The following CTDSPL2 variants were observed in gnomAD, a reference collection of about 807,000 sequenced individuals.
CTDSPL2 encodes CTD small phosphatase-like protein 2.
Under a neutral mutation model 60.0 loss-of-function variants are expected in CTDSPL2, and 5 were observed. The observed-to-expected ratio is 0.08, with a 90% CI of 0.04 to 0.18. The LOEUF (loss-of-function observed/expected upper bound fraction) is 0.18, where lower values mean the gene tolerates loss of function less well. Among genes scored for constraint, CTDSPL2 ranks in the 10% least tolerant of loss-of-function variants. CTDSPL2 has a pLI of 1.00. For missense variants in CTDSPL2, 370 were observed against 548.8 expected (o/e 0.67, Z 3.26); for synonymous variants, 186 against 189.3 (o/e 0.98, Z 0.14).
At chr15:44,496,513 G>T in intron 6 of CTDSPL2, 55 bp downstream of exon 6, 6 of 1,308,376 alleles carry the variant, frequency 4.6e-6, no homozygotes, top group Non-Finnish European at 6.6e-6. Context: ...ATGAGAGTAC[G>T]TTATATATGT....
intron 8 of CTDSPL2, 129 bp from the exon 9 acceptor site, chr15:44,514,469 G>T: frequency 3.1e-6 from 2 of 642,794 alleles, no homozygotes; most frequent in Non-Finnish European, 5.6e-6. Flanking sequence ...GTGGTACTTA[G>T]TTAATATTTC....
In CTDSPL2 at chr15:44,515,119, G is replaced by A. The variant is rs188682256; in HGVS notation, c.1112+275G>A. Among the ~76,000 whole-genome samples, 6 of 152,110 alleles carry A rather than the reference G, an allele frequency of 3.9e-5. No individual in the cohort carries two copies. In the East Asian group the frequency reaches 1.2e-3, roughly 29 times the overall value. ...GATTGGGGAAGACGGGGGTTGGGGG[G>A]GTTGTGTGGAATTTTTCCACGTTGT... On this transcript the variant is annotated intron_variant, in intron 10 of 12. Transcript: ENST00000260327.
At chr15:44,457,069 G>T (rs1239370697) in intron 1 of CTDSPL2, among the ~76,000 whole-genome samples, 1 of 151,860 alleles carries the variant, frequency 6.6e-6, no homozygotes, top group African/African-American at 2.4e-5. Context: ...TAGAGATGGG[G>T]TTTCACCATG....
At chr15:44,475,905 A>G (rs550873401) in intron 2 of CTDSPL2, among the ~76,000 whole-genome samples, 1 of 152,286 alleles carries the variant, frequency 6.6e-6, no homozygotes, top group East Asian at 1.9e-4. Flanking sequence ...TTTGCTATTG[A>G]CAATTGCATC....
rs542523561 is a variant in CTDSPL2, at chr15:44,496,928, G to A, written c.771-99G>A. 2.8e-5 allele frequency: 17 copies of A among 600,128 alleles called. No homozygotes were observed. In the East Asian group the frequency reaches 5.0e-4, roughly 18 times the overall value. The allele number at this position is 600,128 out of a possible 1,614,324, so 37.2% of individuals were successfully genotyped here. On this transcript the variant is annotated intron_variant, in intron 6 of 12. Transcript: ENST00000260327. ...TATGTTTTATAAGTTTTGTTTTCTG[G>A]GTTAACTGCTTTATAGATTTTTAAA...
At chr15:44,482,891 C>G (rs1167190180) in intron 2 of CTDSPL2, among the ~76,000 whole-genome samples, 2 of 152,058 alleles carry the variant, frequency 1.3e-5, no homozygotes, top group Non-Finnish European at 2.9e-5. Context: ...AAGATCTAAT[C>G]CTTACCAAAA....
chr15:44,461,276 C>A (rs973424740), intron 2 of CTDSPL2, among the ~76,000 whole-genome samples: 1 of 152,212 alleles, frequency 6.6e-6, no homozygotes, highest in Non-Finnish European at 1.5e-5. Flanking sequence ...AATCCACATA[C>A]AACTTTTGAC....
At chr15:44,479,509 T>C (rs1246747315) in intron 2 of CTDSPL2, among the ~76,000 whole-genome samples, 1 of 148,586 alleles carries the variant, frequency 6.7e-6, no homozygotes, top group East Asian at 2.0e-4. Flanking sequence ...TGTGCTCAGG[T>C]GATCCTCTTG....
At chr15:44,466,419 G>T (rs1019135988) in intron 2 of CTDSPL2, among the ~76,000 whole-genome samples, 2 of 152,202 alleles carry the variant, frequency 1.3e-5, no homozygotes, top group African/African-American at 4.8e-5. Flanking sequence ...TGGAGGAAAC[G>T]ACAGTTTAAG....
chr15:44,505,966 T>C (rs2081454931), intron 8 of CTDSPL2, among the ~76,000 whole-genome samples: 1 of 151,764 alleles, frequency 6.6e-6, no homozygotes, highest in Non-Finnish European at 1.5e-5. Flanking sequence ...TATGCAAATA[T>C]ATGTACATAC....
intron 1 of CTDSPL2, among the ~76,000 whole-genome samples, chr15:44,444,614 G>A (rs2080164193): frequency 1.3e-5 from 2 of 151,876 alleles, no homozygotes; most frequent in Non-Finnish European, 2.9e-5. Flanking sequence ...CCAAAGTACT[G>A]AGATTACTGG....
intron 1 of CTDSPL2, chr15:44,448,202 G>T: frequency 3.5e-6 from 1 of 286,928 alleles, no homozygotes; most frequent in Non-Finnish European, 7.1e-6. Flanking sequence ...GTGCACTTGA[G>T]GCTGAAGCCC....
chr15:44,515,384 A>G (rs574238800), intron 10 of CTDSPL2, among the ~76,000 whole-genome samples: 4 of 152,282 alleles, frequency 2.6e-5, no homozygotes, highest in Admixed American at 2.6e-4. Flanking sequence ...GCCCTGAGCC[A>G]GCAGATGCAG....
At chr15:44,497,177 G>GT (rs765251962) in intron 7 of CTDSPL2, 39 bp downstream of exon 7, 1 of 1,134,150 alleles carries the variant, frequency 8.8e-7, no homozygotes, top group African/African-American at 1.6e-5. Context: ...GAATAAAGGG[G>GT]TGAAATTCTT....
intron 4 of CTDSPL2, among the ~76,000 whole-genome samples, chr15:44,489,715 C>T (rs1179311175): frequency 6.6e-6 from 1 of 152,176 alleles, no homozygotes; most frequent in Non-Finnish European, 1.5e-5. Flanking sequence ...AGAAAAAATA[C>T]TGTGTTAAAT....
chr15:44,463,965 A>T (rs1046062148), intron 2 of CTDSPL2, among the ~76,000 whole-genome samples: 1 of 152,176 alleles, frequency 6.6e-6, no homozygotes, highest in African/African-American at 2.4e-5. Context: ...TATAATAATA[A>T]CCTACCCAGG....
intron 2 of CTDSPL2, among the ~76,000 whole-genome samples, chr15:44,478,536 A>C (rs1430373809): frequency 6.8e-6 from 1 of 147,806 alleles, no homozygotes; most frequent in Non-Finnish European, 1.5e-5. Context: ...AGTGCCCTCT[A>C]TGCTTGAAAA....
intron 1 of CTDSPL2, among the ~76,000 whole-genome samples, chr15:44,454,401 C>G (rs1348789238): frequency 6.6e-6 from 1 of 152,066 alleles, no homozygotes; most frequent in African/African-American, 2.4e-5. Context: ...ATGGTAGTTT[C>G]TTTTGCTGTG....
chr15:44,502,118 G>C (rs1041644031), intron 8 of CTDSPL2: 1 of 310,942 alleles, frequency 3.2e-6, no homozygotes, highest in Non-Finnish European at 6.4e-6. Flanking sequence ...AATCTGTAAA[G>C]TACTGCATAT....
Sources: gnomAD v4.1 joint callset for allele counts (sites outside exome capture counted in the v4.1 genomes callset) on GRCh38, gnomAD v4.1.1 for gene constraint, MANE v1.5 for transcripts, NCBI Gene and HGNC (gene_info 2026-07-23, HGNC 2026-07-21) for gene names.